Variants in SIGLEC6 observed in about 807,000 individuals in gnomAD.
The protein encoded by SIGLEC6 is sialic acid binding Ig like lectin 6, also known as sialic acid-binding Ig-like lectin 6.
SIGLEC6 carries 31 observed loss-of-function variants against 41.4 expected under a neutral mutation model. The ratio of observed to expected loss-of-function variants is 0.75; its 90% CI spans 0.56 to 1.01. The LOEUF (loss-of-function observed/expected upper bound fraction) is 1.01, where lower values mean the gene tolerates loss of function less well. Among genes scored for constraint, SIGLEC6 ranks in the 50% least tolerant of loss-of-function variants. SIGLEC6 has a pLI of 0.00. For missense variants in SIGLEC6, 555 were observed against 558.6 expected (o/e 0.99, Z 0.06); for synonymous variants, 217 against 231.0 (o/e 0.94, Z 0.55).
At chr19:51,530,306 G>A in intron 4 of SIGLEC6, 131 bp downstream of exon 4, 1 of 840,430 alleles carries the variant, frequency 1.2e-6, no homozygotes, top group Middle Eastern at 2.3e-4. Flanking sequence ...AAAGGCTGGG[G>A]GTGAGCAAAG....
At chr19:51,520,361 A>G in intron 7 of SIGLEC6, 106 bp from the exon 8 acceptor site, 1 of 595,118 alleles carries the variant, frequency 1.7e-6, no homozygotes, top group Non-Finnish European at 2.6e-6. Context: ...TTATTTATCC[A>G]TTCATTTATT....
chr19:51,523,557 C>T (rs1426191419), intron 7 of SIGLEC6, among the ~76,000 whole-genome samples: 1 of 152,104 alleles, frequency 6.6e-6, no homozygotes, highest in African/African-American at 2.4e-5. Flanking sequence ...GAAATGTGCC[C>T]TAGGGAAGCC....
Position 51,530,729 on chromosome 19 carries a change from G to A in SIGLEC6, c.658C>T (p.Pro220Ser). 1 of 1,614,100 alleles carries A rather than the reference G, an allele frequency of 6.2e-7. No individual in the cohort carries two copies. Among genetic ancestry groups the A allele is most frequent in the Admixed American group, 1.7e-5 (1 of 60,012 alleles). ...CTCTCCATGGTCACACCGGCTCCAG[G>A]GAACGTCACCTGACAGGTGAGGTTG... ...STNLTCQVTF[P>S]GAGVTMERTI... The change falls in exon 3 of 8, where the codon CCT (proline) becomes TCT (serine). Residue 220 changes from proline to serine, a missense_variant. Coordinates refer to ENST00000425629, the MANE Select transcript of SIGLEC6 (RefSeq NM_001245.7).
At chr19:51,530,268 G>A (rs1455894694) in intron 4 of SIGLEC6, among the ~76,000 whole-genome samples, 169 bp downstream of exon 4, 2 of 152,208 alleles carry the variant, frequency 1.3e-5, no homozygotes, top group African/African-American at 4.8e-5. Context: ...AGTGCGAGGG[G>A]TGTGGCAGCT....
intron 7 of SIGLEC6, among the ~76,000 whole-genome samples, chr19:51,524,425 G>T (rs1232031402): frequency 6.6e-6 from 1 of 152,122 alleles, no homozygotes; most frequent in African/African-American, 2.4e-5. Flanking sequence ...TTCATTACAA[G>T]ATATAAAAAT....
At chr19:51,525,237 A>T (rs1979006063) in intron 7 of SIGLEC6, among the ~76,000 whole-genome samples, 1 of 151,626 alleles carries the variant, frequency 6.6e-6, no homozygotes, top group African/African-American at 2.4e-5. Flanking sequence ...TAGCCACCTC[A>T]CCCCTGCCTG....
intron 7 of SIGLEC6, among the ~76,000 whole-genome samples, chr19:51,520,761 A>G (rs1052552531): frequency 1.3e-5 from 2 of 152,182 alleles, no homozygotes; most frequent in African/African-American, 4.8e-5. Flanking sequence ...TCTATTCTCA[A>G]AAAATGCTTT....
chr19:51,527,704 A>C, intron 7 of SIGLEC6, 43 bp downstream of exon 7: 3 of 1,571,522 alleles, frequency 1.9e-6, no homozygotes, highest in Non-Finnish European at 2.6e-6. Context: ...GCAGCATTCA[A>C]AAGGGATAAT....
intron 3 of SIGLEC6, 69 bp from the exon 4 acceptor site, chr19:51,530,553 A>T (rs749826117): frequency 6.2e-7 from 1 of 1,608,926 alleles, no homozygotes; most frequent in Non-Finnish European, 8.5e-7. Context: ...CCTTCCCCTC[A>T]GGAGCCATGA....
chr19:51,520,039 T>C lies in SIGLEC6; in HGVS notation c.*43A>G. ...CCCTAGTAACCAATACACTGAGAGGTACCATGTTCTCTCCAATCAAGGTTA... is the reference window on the plus strand; with the variant it reads ...CCCTAGTAACCAATACACTGAGAGGCACCATGTTCTCTCCAATCAAGGTTA... On this transcript the variant is annotated 3_prime_UTR_variant, in exon 8 of 8. Transcript: ENST00000425629. The C allele has an allele frequency of 6.8e-7, 1 of 1,475,824 alleles. No homozygotes were observed. The highest frequency in any genetic ancestry group is 9.2e-7 in the Non-Finnish European group (1 of 1,085,954). 91.4% of individuals were successfully genotyped at this position (1,475,824 alleles called of 1,614,324 possible).
At chr19:51,528,551 A>G (rs1001732329) in intron 5 of SIGLEC6, 2 of 438,200 alleles carry the variant, frequency 4.6e-6, no homozygotes, top group African/African-American at 4.0e-5. Flanking sequence ...CACAATTCCT[A>G]TTTTGAAGTC....
In SIGLEC6 at chr19:51,519,267, C is replaced by T. The variant is rs1990727178; in HGVS notation, c.*815G>A. ...CCAAGATCGCACCACTGCACTCCAG[C>T]CTGGGAGATACAGCAAGACTCCATC... is the stretch of plus-strand genomic sequence containing the variant. On this transcript the variant is annotated 3_prime_UTR_variant, in exon 8 of 8. Coordinates refer to ENST00000425629, the MANE Select transcript of SIGLEC6 (RefSeq NM_001245.7). Among the ~76,000 whole-genome samples the T allele has an allele frequency of 8.2e-6, 1 of 121,254 alleles. No homozygotes were observed. The highest frequency in any genetic ancestry group is 1.6e-5 in the Non-Finnish European group (1 of 62,888). 79.5% of individuals were successfully genotyped at this position (121,254 alleles called of 152,430 possible).
intron 7 of SIGLEC6, among the ~76,000 whole-genome samples, chr19:51,527,211 T>C (rs1389617061): frequency 1.3e-5 from 2 of 152,114 alleles, no homozygotes; most frequent in South Asian, 2.1e-4. Context: ...TAAGATAATA[T>C]ATAAGACAAC....
chr19:51,521,453 C>T (rs1021043755), intron 7 of SIGLEC6, among the ~76,000 whole-genome samples: 2 of 152,104 alleles, frequency 1.3e-5, no homozygotes, highest in South Asian at 2.1e-4. Flanking sequence ...ATGTTCCACT[C>T]ATGTCTTTCC....
chr19:51,527,138 A>G (rs1184844347), intron 7 of SIGLEC6, among the ~76,000 whole-genome samples: 1 of 152,186 alleles, frequency 6.6e-6, no homozygotes, highest in Non-Finnish European at 1.5e-5. Context: ...ATTGTCCACA[A>G]AAATGTCCCC....
Position 51,529,999 on chromosome 19 carries a change from T to C in SIGLEC6, c.755-18A>G, listed in dbSNP as rs766834251. On this transcript the variant is annotated intron_variant, in intron 4 of 7. Coordinates refer to ENST00000425629, the MANE Select transcript of SIGLEC6 (RefSeq NM_001245.7). ...TTTGAAGGCTTTGGGGAGAGAGGTG[T>C]AGAGAGTTAGAGATGGGGTATAGGG... The C allele has an allele frequency of 5.1e-6, 8 of 1,557,958 alleles. No individual in the cohort carries two copies. Among genetic ancestry groups the C allele is most frequent in the East Asian group, 2.3e-5 (1 of 44,420 alleles).
chr19:51,520,118 G>C lies in SIGLEC6; in HGVS notation c.1326C>G (p.Thr442=). The change falls in exon 8 of 8, where the codon ACC becomes ACG. Residue 442 remains threonine, a synonymous_variant. Coordinates refer to ENST00000425629, the MANE Select transcript of SIGLEC6 (RefSeq NM_001245.7). ...HKVQPQEPKV[T]DTEYSEIKIH... ...TCTTGATTTCTGAGTACTCAGTGTC[G>C]GTGACCTTTGGTTCCTGAGGTTGCA... The C allele has an allele frequency of 1.3e-6, 2 of 1,592,424 alleles. No homozygotes were observed. The highest frequency in any genetic ancestry group is 1.7e-6 in the Non-Finnish European group (2 of 1,163,524).
At chr19:51,531,072 C>G in intron 2 of SIGLEC6, 88 bp downstream of exon 2, 2 of 1,558,046 alleles carry the variant, frequency 1.3e-6, no homozygotes, top group East Asian at 2.2e-5. Context: ...TAATTGTACC[C>G]GCCTCCCAAG....
intron 7 of SIGLEC6, among the ~76,000 whole-genome samples, chr19:51,525,336 G>A (rs986856682): frequency 6.6e-6 from 1 of 152,088 alleles, no homozygotes; most frequent in African/African-American, 2.4e-5. Flanking sequence ...TGCCGCCACA[G>A]CTCCCACTCC....
Sources: allele counts gnomAD v4.1 joint callset (sites outside exome capture counted in the v4.1 genomes callset), GRCh38; gene constraint gnomAD v4.1.1; transcripts MANE v1.5; gene names NCBI Gene and HGNC (gene_info 2026-07-23, HGNC 2026-07-21).